Variants in HPSE2 observed in about 807,000 individuals in gnomAD.
HPSE2 encodes the protein heparanase 2 (inactive), also known as inactive heparanase-2.
HPSE2 carries 38 observed loss-of-function variants against 60.5 expected under a neutral mutation model. That is an observed-to-expected ratio of 0.63 (90% confidence interval 0.48 to 0.82). The LOEUF (loss-of-function observed/expected upper bound fraction) is 0.82. Ranked by LOEUF, HPSE2 falls within the 40% of genes least tolerant of loss-of-function variation. The pLI is 0.00. For synonymous variants in HPSE2, 295 were observed against 293.2 expected (o/e 1.01, Z -0.06); for missense variants, 713 against 740.4 (o/e 0.96, Z 0.43).
intron 3 of HPSE2, among the ~76,000 whole-genome samples, chr10:98,798,018 T>C (rs1252666875): frequency 2.0e-5 from 3 of 151,950 alleles, no homozygotes; most frequent in Non-Finnish European, 4.4e-5. Context: ...TAACTCAAGG[T>C]ATTCAATAAT....
At chr10:98,802,800 T>C (rs1417810715) in intron 3 of HPSE2, among the ~76,000 whole-genome samples, 11 of 140,854 alleles carry the variant, frequency 7.8e-5, no homozygotes, top group Admixed American at 2.2e-4. Flanking sequence ...TGTGTCTTTA[T>C]AGCAGCATGA....
chr10:98,558,891 C>A (rs922473300), intron 9 of HPSE2, among the ~76,000 whole-genome samples: 1 of 152,270 alleles, frequency 6.6e-6, no homozygotes. Flanking sequence ...TTCTAAGAAT[C>A]CTCTGGAGCT....
intron 3 of HPSE2, among the ~76,000 whole-genome samples, chr10:98,780,657 T>C (rs17110853): frequency 0.038 from 5,773 of 152,178 alleles, 239 homozygotes; most frequent in East Asian, 0.17. Flanking sequence ...AGGCTTTTGA[T>C]TGCTTGGCTA....
At chr10:98,987,760 A>C (rs537616516) in intron 3 of HPSE2, among the ~76,000 whole-genome samples, 1 of 152,342 alleles carries the variant, frequency 6.6e-6, no homozygotes, top group Admixed American at 6.5e-5. Flanking sequence ...GTCTCAGCCC[A>C]AAATCTCCTT....
the HPSE2 span, among the ~76,000 whole-genome samples, chr10:99,267,278 T>TA: frequency 2.6e-5 from 4 of 151,640 alleles, no homozygotes; most frequent in Non-Finnish European, 5.9e-5. Flanking sequence ...TGAAATAGCA[T>TA]AAATAAAAAA....
intron 9 of HPSE2, among the ~76,000 whole-genome samples, chr10:98,534,305 T>C (rs569813290): frequency 6.6e-6 from 1 of 152,320 alleles, no homozygotes; most frequent in South Asian, 2.1e-4. Context: ...TTTGAGCCAA[T>C]AAAAGTTATG....
intron 3 of HPSE2, among the ~76,000 whole-genome samples, chr10:99,070,316 C>T (rs746880248): frequency 2.0e-5 from 3 of 152,118 alleles, no homozygotes; most frequent in Non-Finnish European, 2.9e-5. Context: ...TTTGAACATA[C>T]ACTTCTGCAA....
chr10:99,223,124 A>C (rs1393824931), intron 2 of HPSE2, among the ~76,000 whole-genome samples: 1 of 152,134 alleles, frequency 6.6e-6, no homozygotes, highest in African/African-American at 2.4e-5. Context: ...TTAATGATTG[A>C]TATCACTGAG....
At chr10:98,978,188 T>C (rs1271437153) in intron 3 of HPSE2, among the ~76,000 whole-genome samples, 1 of 152,136 alleles carries the variant, frequency 6.6e-6, no homozygotes, top group Non-Finnish European at 1.5e-5. Context: ...AAGCCTTCAA[T>C]AAGTATGTAT....
At chr10:99,117,417 G>GAAAAAAAAAAAAAAAAAAAAAAAAAAA (rs1157232317) in intron 3 of HPSE2, among the ~76,000 whole-genome samples, 18 of 24,814 alleles carry the variant, frequency 7.3e-4, no homozygotes, top group Non-Finnish European at 1.0e-3. Flanking sequence ...TTGTTTTTTT[G>GAAAAAAAAAAAAAAAAAAAAAAAAAAA]AAAAAAAAAA....
At chr10:98,799,611 A>G (rs1046793187) in intron 3 of HPSE2, among the ~76,000 whole-genome samples, 3 of 152,232 alleles carry the variant, frequency 2.0e-5, no homozygotes, top group South Asian at 2.1e-4. Context: ...GAATAAAACT[A>G]TAAATTAATA....
intron 5 of HPSE2, among the ~76,000 whole-genome samples, chr10:98,697,049 G>A (rs1268440368): frequency 2.1e-5 from 2 of 96,474 alleles, no homozygotes; most frequent in African/African-American, 3.2e-5. Flanking sequence ...GAAAGAAGCA[G>A]TGAAAAAAAA....
intron 3 of HPSE2, among the ~76,000 whole-genome samples, chr10:99,129,951 C>G (rs970099173): frequency 2.4e-4 from 37 of 152,016 alleles, no homozygotes; most frequent in African/African-American, 8.7e-4. Flanking sequence ...GGAGATATTA[C>G]AGCCAATACC....
chr10:98,549,882 C>A (rs1022890358), intron 9 of HPSE2, among the ~76,000 whole-genome samples: 3 of 152,184 alleles, frequency 2.0e-5, no homozygotes, highest in Non-Finnish European at 2.9e-5. Context: ...TTTACCAGAT[C>A]TATTCCTGAG....
intron 3 of HPSE2, among the ~76,000 whole-genome samples, chr10:98,869,391 C>T (rs1176393788): frequency 6.6e-6 from 1 of 151,824 alleles, no homozygotes; most frequent in Non-Finnish European, 1.5e-5. Flanking sequence ...AGTTTTAATC[C>T]CTTTAAAGTA....
chr10:99,238,568 T>G (rs1189817474), upstream of HPSE2, among the ~76,000 whole-genome samples: 2 of 152,198 alleles, frequency 1.3e-5, no homozygotes, highest in African/African-American at 4.8e-5. Context: ...AAGAAATAAC[T>G]GATATTTAAG....
At chr10:99,285,304 A>C in the HPSE2 span, among the ~76,000 whole-genome samples, 3 of 151,382 alleles carry the variant, frequency 2.0e-5, no homozygotes, top group Admixed American at 2.0e-4. Context: ...AGAGTGGTAC[A>C]TGCCTGTAGT....
intron 3 of HPSE2, among the ~76,000 whole-genome samples, chr10:98,803,056 T>C (rs1337438425): frequency 1.3e-4 from 19 of 151,276 alleles, no homozygotes; most frequent in African/African-American, 4.6e-4. Flanking sequence ...TTGATTTGCA[T>C]TTCTCTGATG....
At chr10:99,195,861 A>G (rs1008773608) in intron 2 of HPSE2, among the ~76,000 whole-genome samples, 1 of 151,096 alleles carries the variant, frequency 6.6e-6, no homozygotes, top group Non-Finnish European at 1.5e-5. Flanking sequence ...AAAAAATCCT[A>G]AAATTTATAT....
Sources: gnomAD v4.1 joint callset for allele counts (sites outside exome capture counted in the v4.1 genomes callset) on GRCh38, gnomAD v4.1.1 for gene constraint, MANE v1.5 for transcripts, NCBI Gene and HGNC (gene_info 2026-07-23, HGNC 2026-07-21) for gene names.